Variants in JCAD observed in about 807,000 individuals in gnomAD.
The protein encoded by JCAD is junctional cadherin 5 associated.
JCAD carries 40 observed loss-of-function variants against 98.0 expected under a neutral mutation model. That is an observed-to-expected ratio of 0.41 (90% CI 0.32 to 0.53). JCAD has a LOEUF of 0.53. Among genes scored for constraint, JCAD ranks in the 20% least tolerant of loss-of-function variants. The probability of loss-of-function intolerance (pLI) is 0.31; values close to 1 mark genes in which losing one functional copy is unlikely to be tolerated. For synonymous variants in JCAD, 691 were observed against 682.3 expected (o/e 1.01, Z -0.20); for missense variants, 1,705 against 1,738.1 (o/e 0.98, Z 0.34).
At chr10:30,044,677 C>CT (rs4017854) in intron 2 of JCAD, 84,990 of 187,052 alleles carry the variant, frequency 0.45, 17,603 homozygotes, top group African/African-American at 0.55. Flanking sequence ...GCAGTATTGG[C>CT]TTTTTTTTTT....
At chr10:30,105,970 C>T (rs1368421818) in intron 1 of JCAD, among the ~76,000 whole-genome samples, 1 of 152,206 alleles carries the variant, frequency 6.6e-6, no homozygotes, top group Non-Finnish European at 1.5e-5. Context: ...CTCTTCCAAG[C>T]ATTTATTTCC....
At chr10:30,073,250 G>A (rs1050263137) in intron 1 of JCAD, among the ~76,000 whole-genome samples, 4 of 152,218 alleles carry the variant, frequency 2.6e-5, no homozygotes, top group East Asian at 1.9e-4. Flanking sequence ...GGCAAATGAC[G>A]TCATGTCTCT....
At chr10:30,074,349 T>A (rs1055152149) in intron 1 of JCAD, among the ~76,000 whole-genome samples, 1 of 152,172 alleles carries the variant, frequency 6.6e-6, no homozygotes, top group Admixed American at 6.5e-5. Context: ...TGGTTTCAAG[T>A]ACTCTCTGTG....
chr10:30,045,279 C>G (rs1307166577), intron 2 of JCAD, among the ~76,000 whole-genome samples: 1 of 152,132 alleles, frequency 6.6e-6, no homozygotes, highest in Non-Finnish European at 1.5e-5. Flanking sequence ...GATCCAGCCC[C>G]TCAAATTTGA....
intron 1 of JCAD, among the ~76,000 whole-genome samples, chr10:30,099,693 T>A (rs1354273957): frequency 6.6e-6 from 1 of 152,210 alleles, no homozygotes; most frequent in Non-Finnish European, 1.5e-5. Context: ...TGAAAAAATC[T>A]GAATTTATAC....
chr10:30,078,632 C>G (rs1413350476), intron 1 of JCAD, among the ~76,000 whole-genome samples: 1 of 152,182 alleles, frequency 6.6e-6, no homozygotes. Context: ...ATAGAAAGAG[C>G]TGCATCTTGA....
chr10:30,063,560 C>T (rs1837734924), upstream of JCAD, among the ~76,000 whole-genome samples: 1 of 151,986 alleles, frequency 6.6e-6, no homozygotes, highest in Non-Finnish European at 1.5e-5. Context: ...TTTTCTTAGT[C>T]TGTAAAGACA....
intron 1 of JCAD, among the ~76,000 whole-genome samples, chr10:30,094,100 A>G (rs915642421): frequency 4.6e-5 from 7 of 152,156 alleles, no homozygotes; most frequent in Admixed American, 6.5e-5. Context: ...AATCATTAGG[A>G]ACTTGCCTCC....
At chr10:30,045,167 G>A (rs1489538978) in intron 2 of JCAD, among the ~76,000 whole-genome samples, 1 of 152,120 alleles carries the variant, frequency 6.6e-6, no homozygotes, top group Admixed American at 6.6e-5. Context: ...CACACAAGGG[G>A]CTAGAAAGTC....
intron 1 of JCAD, among the ~76,000 whole-genome samples, chr10:30,050,548 G>A (rs1017721788): frequency 6.6e-6 from 1 of 152,046 alleles, no homozygotes; most frequent in Non-Finnish European, 1.5e-5. Context: ...AATGGCCACC[G>A]AATACACTAA....
At position 30,017,921 on chromosome 10, in the gene JCAD, T is replaced by C. The variant is rs1359577240; in HGVS notation, c.4046-4A>G. The C allele has an allele frequency of 6.2e-7, 1 of 1,609,400 alleles. No homozygotes were observed. Among genetic ancestry groups the C allele is most frequent in the Middle Eastern group, 1.7e-4 (1 of 6,056 alleles). On this transcript the variant is annotated splice_region_variant and splice_polypyrimidine_tract_variant and intron_variant, in intron 3 of 3. Coordinates refer to ENST00000375377, the MANE Select transcript of JCAD (RefSeq NM_020848.4). ...ACTCTGCTAGGGTCATAGGAATCTG[T>C]AAAATAAGAAAAGAAAAGAAAATTA...
intron 2 of JCAD, 45 bp from the exon 3 acceptor site, chr10:30,029,911 T>G: frequency 6.5e-7 from 1 of 1,545,250 alleles, no homozygotes; most frequent in Non-Finnish European, 8.7e-7. Flanking sequence ...AAGAAACATG[T>G]CTTCATCTGC....
rs1472074968 is a variant in JCAD at position 30,013,088 on chromosome 10, C to T, written c.*4795G>A. On this transcript the variant is annotated 3_prime_UTR_variant, in exon 4 of 4. Coordinates refer to ENST00000375377, the MANE Select transcript of JCAD (RefSeq NM_020848.4). ...ATCGGCCATTACCAATGGTGTCTTT[C>T]TGGGACCCTTTCTACCTGTCTTAGG... The T allele has an allele frequency of 6.6e-6, 1 of 152,262 alleles. No homozygotes were observed. The allele number at this position is 152,262 out of a possible 1,614,324, so 9.4% of individuals were successfully genotyped here.
In JCAD at chr10:30,026,892, C is replaced by T. The variant is rs779099402; in HGVS notation, c.3256G>A (p.Ala1086Thr). 12 of 1,614,034 alleles carry T rather than the reference C, an allele frequency of 7.4e-6. No individual in the cohort carries two copies. Among genetic ancestry groups the T allele is most frequent in the East Asian group, 2.2e-5 (1 of 44,880 alleles). ...IPPGESLQAR[A>T]ARILGIEVAV... ...ACCTCAATGCCCAGGATCCTTGCAGCCCTGGCTTGCAAGGACTCACCTGGG... is the reference window on the plus strand; with the variant it reads ...ACCTCAATGCCCAGGATCCTTGCAGTCCTGGCTTGCAAGGACTCACCTGGG... Residue 1086 changes from alanine to threonine, a missense_variant, in exon 3 of 4, where the codon GCT (alanine) becomes ACT (threonine). By Grantham distance (58) the Ala-to-Thr change is moderately conservative. Coordinates refer to ENST00000375377, the MANE Select transcript of JCAD (RefSeq NM_020848.4).
chr10:30,019,768 C>T (rs1836618555), intron 3 of JCAD, among the ~76,000 whole-genome samples: 2 of 152,030 alleles, frequency 1.3e-5, no homozygotes, highest in South Asian at 4.1e-4. Context: ...CTCAAATGTT[C>T]TCAGCACACA....
intron 3 of JCAD, among the ~76,000 whole-genome samples, chr10:30,018,304 T>TTTTTA (rs1259858700): frequency 3.3e-5 from 5 of 151,970 alleles, no homozygotes; most frequent in African/African-American, 1.2e-4. Context: ...TTCTTTTTTT[T>TTTTTA]TTTTTGGTAA....
At position 30,026,475 on chromosome 10, in the gene JCAD, T is replaced by C; in HGVS notation, c.3673A>G (p.Ser1225Gly). 1 of 1,614,238 alleles carries C rather than the reference T, an allele frequency of 6.2e-7. No individual in the cohort carries two copies. The highest frequency in any genetic ancestry group is 8.5e-7 in the Non-Finnish European group (1 of 1,180,038). The change falls in exon 3 of 4, where the codon AGT becomes GGT. Residue 1225 changes from serine to glycine, a missense_variant. This residue lies in a region of JCAD where 1,278 missense variants were observed against 1,243.1 expected (regional missense o/e 1.03). Transcript: ENST00000375377. ...AGTCTCTTTTCAGAGCCTGCCACAC[T>C]TGGGGTTCTTTCTACAAAATGGAAT... Reference protein sequence around the residue: ...TLFHFVERTPSVAGSEKRLRS... With the variant: ...TLFHFVERTPGVAGSEKRLRS...
rs953967772 is a variant in JCAD, at chr10:30,059,539, G to T, written c.-117C>A. On this transcript the variant is annotated 5_prime_UTR_variant, in exon 1 of 4. Transcript: ENST00000375377. This position sits in a 1 kb window ranked among gnomAD's most constrained non-coding sequence, Gnocchi z 5.0. ...ACCGCCGCCGCTCCGGCCGGCCGGGGACCAGCGCGACCCGCCCCGCCTGCA... is the reference window on the plus strand; with the variant it reads ...ACCGCCGCCGCTCCGGCCGGCCGGGTACCAGCGCGACCCGCCCCGCCTGCA... 2.7e-5 allele frequency: 4 copies of T among 150,278 alleles called. No homozygotes were observed. Among genetic ancestry groups the T allele is most frequent in the South Asian group, 1.8e-4 (1 of 5,528 alleles). The allele number at this position is 150,278 out of a possible 1,614,324, so 9.3% of individuals were successfully genotyped here.
chr10:30,019,312 G>A (rs1399682522), intron 3 of JCAD, among the ~76,000 whole-genome samples: 1 of 149,468 alleles, frequency 6.7e-6, no homozygotes, highest in Admixed American at 6.7e-5. Flanking sequence ...AGCCGAGATG[G>A]CGCCATTGCA....
Sources: allele counts gnomAD v4.1 joint callset (sites outside exome capture counted in the v4.1 genomes callset), GRCh38; gene constraint gnomAD v4.1.1; regional missense constraint gnomAD v4.1.1; non-coding constraint Gnocchi (gnomAD v3.1); transcripts MANE v1.5; gene names NCBI Gene and HGNC (gene_info 2026-07-23, HGNC 2026-07-21).